Variants in LARS2 observed in about 807,000 individuals in gnomAD.
LARS2 encodes leucyl-tRNA synthetase 2, mitochondrial, also known as leucine--tRNA ligase, mitochondrial.
LARS2 carries 81 observed loss-of-function variants against 116.6 expected under a neutral mutation model. The observed-to-expected ratio is 0.69, with a 90% confidence interval of 0.58 to 0.84. The LOEUF (loss-of-function observed/expected upper bound fraction) is 0.84. Ranked by LOEUF, LARS2 falls within the 40% of genes least tolerant of loss-of-function variation. The probability of loss-of-function intolerance (pLI) is 0.00; values close to 1 mark genes in which losing one functional copy is unlikely to be tolerated. For missense variants in LARS2, 968 were observed against 1,114.5 expected, an observed-to-expected ratio of 0.87 and a Z score of 1.87; for synonymous variants, 396 against 407.2, an observed-to-expected ratio of 0.97 and a Z score of 0.33.
intron 4 of LARS2, among the ~76,000 whole-genome samples, chr3:45,417,074 A>C (rs1157806291): frequency 3.0e-5 from 3 of 99,982 alleles, no homozygotes; most frequent in African/African-American, 9.3e-5. Context: ...ACTCTGTCTC[A>C]AAAAAAAAAA....
chr3:45,513,968 G>A (rs1700332448), intron 16 of LARS2, among the ~76,000 whole-genome samples: 1 of 152,194 alleles, frequency 6.6e-6, no homozygotes, highest in Non-Finnish European at 1.5e-5. Context: ...CACTTTGGGA[G>A]GCCAAGGCAG....
At chr3:45,518,848 C>T (rs543273885) in intron 18 of LARS2, among the ~76,000 whole-genome samples, 1 of 152,156 alleles carries the variant, frequency 6.6e-6, no homozygotes, top group Non-Finnish European at 1.5e-5. Flanking sequence ...TTTGTATAAC[C>T]TGAAGTGGCC....
At chr3:45,437,276 A>G (rs114323269) in intron 6 of LARS2, among the ~76,000 whole-genome samples, 1,986 of 152,324 alleles carry the variant, frequency 0.013, 29 homozygotes, top group African/African-American at 0.045. Context: ...GTCATTTCCA[A>G]TTTTCATTAA....
At chr3:45,452,487 A>G (rs913820865) in intron 7 of LARS2, among the ~76,000 whole-genome samples, 1 of 151,968 alleles carries the variant, frequency 6.6e-6, no homozygotes, top group African/African-American at 2.4e-5. Flanking sequence ...ATGACATGAT[A>G]TTTATTGATT....
intron 20 of LARS2, among the ~76,000 whole-genome samples, chr3:45,530,317 C>G (rs1438326099): frequency 1.3e-5 from 2 of 152,104 alleles, no homozygotes; most frequent in Admixed American, 1.3e-4. Flanking sequence ...GGTCAAAGAT[C>G]AAGACCATCT....
At chr3:45,415,217 G>A (rs1403395884) in intron 4 of LARS2, among the ~76,000 whole-genome samples, 1 of 152,148 alleles carries the variant, frequency 6.6e-6, no homozygotes, top group Non-Finnish European at 1.5e-5. Context: ...AAGGGGTTGG[G>A]GGGTAGAGGA....
At chr3:45,395,891 A>G (rs1451937037) in intron 3 of LARS2, among the ~76,000 whole-genome samples, 1 of 152,240 alleles carries the variant, frequency 6.6e-6, no homozygotes, top group Non-Finnish European at 1.5e-5. Flanking sequence ...GTAATACATA[A>G]TTTTACAATG....
At chr3:45,436,683 A>T (rs1698810502) in intron 6 of LARS2, among the ~76,000 whole-genome samples, 3 of 151,632 alleles carry the variant, frequency 2.0e-5, no homozygotes, top group Admixed American at 2.0e-4. Context: ...AGTCCCAGCT[A>T]CTCGGGAGGC....
intron 15 of LARS2, among the ~76,000 whole-genome samples, chr3:45,512,603 TAA>T (rs150750378): frequency 0.014 from 2,065 of 152,336 alleles, 31 homozygotes; most frequent in African/African-American, 0.047. Context: ...TTCATATCAT[TAA>T]GTGAAATACC....
intron 4 of LARS2, among the ~76,000 whole-genome samples, chr3:45,402,997 C>T (rs963636694): frequency 6.7e-5 from 10 of 149,820 alleles, no homozygotes; most frequent in Admixed American, 4.7e-4. Flanking sequence ...CTGAGCTACT[C>T]GGGAGGCTGA....
chr3:45,415,856 A>ATAT (rs774948080), intron 4 of LARS2, among the ~76,000 whole-genome samples: 30 of 106,630 alleles, frequency 2.8e-4, no homozygotes, highest in Admixed American at 1.3e-3. Flanking sequence ...TCAAAAAAAA[A>ATAT]AAAAATATAT....
intron 6 of LARS2, among the ~76,000 whole-genome samples, chr3:45,438,863 C>T (rs1033035430): frequency 1.3e-5 from 2 of 151,326 alleles, no homozygotes; most frequent in Admixed American, 6.6e-5. Flanking sequence ...AAAGAAAAAA[C>T]GATGAGAGGA....
At chr3:45,426,022 TC>T (rs1172751356) in intron 6 of LARS2, among the ~76,000 whole-genome samples, 8 of 152,042 alleles carry the variant, frequency 5.3e-5, no homozygotes, top group Middle Eastern at 3.2e-3. Flanking sequence ...GTGCTCTCTT[TC>T]CATCCAAAAC....
intron 4 of LARS2, among the ~76,000 whole-genome samples, chr3:45,402,397 C>CATGGTA (rs1422457356): frequency 2.0e-5 from 3 of 152,196 alleles, no homozygotes; most frequent in Admixed American, 2.0e-4. Flanking sequence ...GTATTTACGT[C>CATGGTA]ATGGTAATCA....
intron 6 of LARS2, among the ~76,000 whole-genome samples, chr3:45,426,850 G>A (rs1181054135): frequency 6.6e-6 from 1 of 152,164 alleles, no homozygotes; most frequent in Non-Finnish European, 1.5e-5. Context: ...TGGTAGTCAT[G>A]AGCCCAGTCA....
intron 21 of LARS2, among the ~76,000 whole-genome samples, chr3:45,543,059 G>A (rs1045076059): frequency 6.6e-6 from 1 of 152,226 alleles, no homozygotes; most frequent in Non-Finnish European, 1.5e-5. Context: ...GGTTTGGAAA[G>A]ACAATATTTT....
At position 45,421,881 on chromosome 3, in the gene LARS2, C is replaced by T. The variant is rs778643712; in HGVS notation, c.516+2152C>T. ...GACAACACAGTCTCTTGCAGAGTAT[C>T]GGTTGTTTACCCTCATGACTGTGTG... On this transcript the variant is annotated intron_variant, in intron 6 of 21. Coordinates refer to ENST00000645846, the MANE Select transcript of LARS2 (RefSeq NM_015340.4). 5.9e-5 allele frequency: 9 copies of T among 152,194 alleles called. No individual in the cohort carries two copies. The East Asian group carries it at 7.7e-4, about 13-fold the overall frequency. The allele number at this position is 152,194 out of a possible 1,614,324, so 9.4% of individuals were successfully genotyped here.
chr3:45,389,758 C>T (rs1346729107), intron 1 of LARS2, among the ~76,000 whole-genome samples: 1 of 152,194 alleles, frequency 6.6e-6, no homozygotes, highest in Non-Finnish European at 1.5e-5. Flanking sequence ...AAATATAAGA[C>T]ATGAGCCACA....
At chr3:45,404,566 G>C (rs945225408) in intron 4 of LARS2, among the ~76,000 whole-genome samples, 1 of 152,014 alleles carries the variant, frequency 6.6e-6, no homozygotes, top group Non-Finnish European at 1.5e-5. Flanking sequence ...TGCCAAACAG[G>C]GTCTGCCACA....
Sources: gnomAD v4.1 joint callset for allele counts (sites outside exome capture counted in the v4.1 genomes callset) on GRCh38, gnomAD v4.1.1 for gene constraint, MANE v1.5 for transcripts, NCBI Gene and HGNC (gene_info 2026-07-23, HGNC 2026-07-21) for gene names.